Variants in PARP8 observed in about 807,000 individuals in gnomAD.
PARP8 encodes poly(ADP-ribose) polymerase family member 8.
A neutral mutation model predicts 124.1 loss-of-function variants in PARP8; 51 were observed. The observed-to-expected ratio is 0.41, with a 90% confidence interval of 0.33 to 0.52. The LOEUF is 0.52. Ranked by LOEUF, PARP8 falls within the 20% of genes least tolerant of loss-of-function variation. PARP8 has a pLI of 0.21. For synonymous variants in PARP8, 391 were observed against 361.5 expected (o/e 1.08, Z -0.93); for missense variants, 860 against 1,018.9 (o/e 0.84, Z 2.12).
chr5:50,761,964 A>G, intron 6 of PARP8, 66 bp downstream of exon 6: 1 of 1,030,786 alleles, frequency 9.7e-7, no homozygotes, highest in Non-Finnish European at 1.5e-6. Context: ...TCCTAGTGGT[A>G]ATCTGTGCCT....
In PARP8 at chr5:50,759,678, G is replaced by A; in HGVS notation, c.220G>A (p.Asp74Asn). Reference protein sequence around the residue: ...TYVSSSENDEDVLVTTEPIPV... With the variant: ...TYVSSSENDENVLVTTEPIPV... ...TGTGTCAAGTTCAGAGAATGATGAAGATGTGCTAGTTACTACAGAGCCAAT... is the reference window on the plus strand; with the variant it reads ...TGTGTCAAGTTCAGAGAATGATGAAAATGTGCTAGTTACTACAGAGCCAAT... Residue 74 changes from aspartate (D) to asparagine (N), a missense_variant, in exon 4 of 26, where the codon GAT (aspartate) becomes AAT (asparagine). Asp to Asn is a conservative substitution (Grantham distance 23, BLOSUM62 1). Transcript: ENST00000281631. 6.5e-7 allele frequency: 1 copy of A among 1,545,826 alleles called. No homozygotes were observed. The highest frequency in any genetic ancestry group is 8.7e-7 in the Non-Finnish European group (1 of 1,148,006).
chr5:50,748,662 G>A (rs1485611208), intron 2 of PARP8, among the ~76,000 whole-genome samples: 1 of 152,142 alleles, frequency 6.6e-6, no homozygotes, highest in Non-Finnish European at 1.5e-5. Context: ...TGGCTGAACA[G>A]TTGTCTCCTC....
chr5:50,805,555 A>G (rs1234695518), intron 14 of PARP8, among the ~76,000 whole-genome samples: 1 of 152,122 alleles, frequency 6.6e-6, no homozygotes, highest in Non-Finnish European at 1.5e-5. Context: ...AATATTTGAT[A>G]AGTAGAAGGC....
chr5:50,709,386 A>C (rs1350458699), intron 2 of PARP8, among the ~76,000 whole-genome samples: 1 of 150,862 alleles, frequency 6.6e-6, no homozygotes, highest in Non-Finnish European at 1.5e-5. Flanking sequence ...TTCTTGTTTC[A>C]TGTGCCAAGT....
At chr5:50,808,436 C>T (rs1428080087) in intron 14 of PARP8, among the ~76,000 whole-genome samples, 1 of 151,968 alleles carries the variant, frequency 6.6e-6, no homozygotes, top group Non-Finnish European at 1.5e-5. Flanking sequence ...TCCTTGCTCT[C>T]GCCCTGTGAA....
chr5:50,770,432 C>T (rs1761487081), intron 7 of PARP8, among the ~76,000 whole-genome samples: 1 of 151,840 alleles, frequency 6.6e-6, no homozygotes. Flanking sequence ...TGCCAGTGTT[C>T]AGGGTCATTC....
In PARP8 at chr5:50,844,970, A is replaced by G. The variant is rs1748507696; in HGVS notation, c.*2902A>G. The G allele has an allele frequency of 6.6e-6, 1 of 150,686 alleles. No homozygotes were observed. The highest frequency in any genetic ancestry group is 1.5e-5 in the Non-Finnish European group (1 of 67,536). The allele number at this position is 150,686 out of a possible 1,614,324, so 9.3% of individuals were successfully genotyped here. A position where few individuals can be genotyped will look rare whatever the true frequency, so the allele number is the denominator to read the frequency against. ...TTGTTGCTTAGTAAATCTCAGTCAT[A>G]CGTTTGGTTTGAAGCTGTTTTTTTT... On this transcript the variant is annotated 3_prime_UTR_variant, in exon 26 of 26. Transcript: ENST00000281631.
At chr5:50,782,438 A>G (rs1740772411) in intron 9 of PARP8, among the ~76,000 whole-genome samples, 1 of 152,210 alleles carries the variant, frequency 6.6e-6, no homozygotes, top group Non-Finnish European at 1.5e-5. Context: ...ATGATTGAAA[A>G]TGTGCAGTAA....
chr5:50,698,233 A>G (rs1753233517), intron 2 of PARP8, among the ~76,000 whole-genome samples: 1 of 152,238 alleles, frequency 6.6e-6, no homozygotes, highest in South Asian at 2.1e-4. Context: ...AGAAAACCTC[A>G]GAGAACAAAA....
At chr5:50,695,699 T>G (rs1444976626) in intron 2 of PARP8, among the ~76,000 whole-genome samples, 4 of 152,172 alleles carry the variant, frequency 2.6e-5, no homozygotes, top group African/African-American at 9.7e-5. Flanking sequence ...TAATAACAAA[T>G]TATTTGGATT....
At chr5:50,697,216 A>G (rs1435015520) in intron 2 of PARP8, among the ~76,000 whole-genome samples, 1 of 152,204 alleles carries the variant, frequency 6.6e-6, no homozygotes, top group Admixed American at 6.5e-5. Context: ...AGATTGTGCC[A>G]CAGCACTCCA....
intron 2 of PARP8, among the ~76,000 whole-genome samples, chr5:50,737,161 T>C (rs1757552258): frequency 6.6e-6 from 1 of 152,156 alleles, no homozygotes; most frequent in African/African-American, 2.4e-5. Flanking sequence ...TCTGTAAGTC[T>C]GGGAACCTAT....
intron 2 of PARP8, among the ~76,000 whole-genome samples, chr5:50,691,151 C>T (rs1236973074): frequency 6.6e-6 from 1 of 152,192 alleles, no homozygotes; most frequent in Non-Finnish European, 1.5e-5. Flanking sequence ...TCACTAACTT[C>T]TTTCTGTCTT....
intron 10 of PARP8, among the ~76,000 whole-genome samples, chr5:50,792,998 A>G (rs1457952739): frequency 1.3e-5 from 2 of 152,156 alleles, no homozygotes; most frequent in Admixed American, 6.6e-5. Flanking sequence ...TGTGTTATAC[A>G]TATCAAAACC....
intron 2 of PARP8, among the ~76,000 whole-genome samples, chr5:50,737,327 A>C (rs1397359109): frequency 6.6e-6 from 1 of 152,190 alleles, no homozygotes; most frequent in Admixed American, 6.5e-5. Flanking sequence ...GTTACCAAAT[A>C]GAGTTATCCA....
intron 2 of PARP8, among the ~76,000 whole-genome samples, chr5:50,746,202 G>A (rs914322467): frequency 6.6e-6 from 1 of 152,058 alleles, no homozygotes; most frequent in African/African-American, 2.4e-5. Context: ...TTCCATTTAT[G>A]TATTATTCTT....
chr5:50,800,114 A>C (rs1482153726), intron 14 of PARP8, among the ~76,000 whole-genome samples: 2 of 152,192 alleles, frequency 1.3e-5, no homozygotes, highest in Non-Finnish European at 2.9e-5. Flanking sequence ...ATTTTATTTC[A>C]ATGCTATTTT....
At chr5:50,816,076 C>T (rs1745070355) in intron 15 of PARP8, among the ~76,000 whole-genome samples, 1 of 151,416 alleles carries the variant, frequency 6.6e-6, no homozygotes, top group Admixed American at 6.6e-5. Context: ...AATTAATGAA[C>T]ATTAATTAAG....
chr5:50,803,284 C>T (rs1743441587), intron 14 of PARP8, among the ~76,000 whole-genome samples: 1 of 152,108 alleles, frequency 6.6e-6, no homozygotes, highest in Non-Finnish European at 1.5e-5. Context: ...TTTTTGGCGT[C>T]TGGATTTTGA....
Sources: gnomAD v4.1 joint callset for allele counts (sites outside exome capture counted in the v4.1 genomes callset) on GRCh38, gnomAD v4.1.1 for gene constraint, MANE v1.5 for transcripts, NCBI Gene and HGNC (gene_info 2026-07-23, HGNC 2026-07-21) for gene names.